Variants in TENT5D observed in about 807,000 individuals in gnomAD.
TENT5D encodes cancer/testis antigen 112.
For synonymous variants in TENT5D, 103 were observed against 100.6 expected (o/e 1.02, Z -0.15); for missense variants, 191 against 287.0 (o/e 0.67, Z 2.42).
At chrX:80,442,852 C>G in exon 3 of TENT5D, 1 of 1,210,685 alleles carries the variant, frequency 8.3e-7, no homozygotes, top group Non-Finnish European at 1.1e-6. Flanking sequence ...AGATGCAGTT[C>G]TAGACTGTCT....
At chrX:80,380,325 A>G (rs978790110) in intron 3 of TENT5D, among the ~76,000 whole-genome samples, 2 of 110,807 alleles carry the variant, frequency 1.8e-5, no homozygotes, top group African/African-American at 6.6e-5. Flanking sequence ...TGTGAGAGAC[A>G]GTTTGTTTTG....
In TENT5D at chrX:80,375,585, G is replaced by A. The variant is rs1183180147; in HGVS notation, c.-142+33021G>A. Among the ~76,000 whole-genome samples the A allele has an allele frequency of 2.7e-5, 3 of 111,040 alleles. No individual in the cohort carries two copies. The Admixed American group carries it at 2.9e-4, about 11-fold the overall frequency. The stretch of plus-strand genomic sequence containing the variant: ...GTATATTTTCAGTCAGTTTAATTCA[G>A]GTGACCTTTTCATCCATTTGCTTTT... On this transcript the variant is annotated intron_variant, in intron 3 of 4. Transcript: ENST00000538312.
intron 1 of TENT5D, among the ~76,000 whole-genome samples, chrX:80,437,469 T>A (rs1932203831): frequency 1.8e-5 from 2 of 111,899 alleles, no homozygotes; most frequent in South Asian, 7.3e-4. Flanking sequence ...ACACTTTATT[T>A]TATAGTTTTT....
chrX:80,344,549 AT>A lies in TENT5D; in HGVS notation c.-142+1987del, dbSNP rs759450770. On this transcript the variant is annotated intron_variant, in intron 3 of 4. Transcript: ENST00000538312. ...GGTTTTGATTTGCATTTCTCTGATGATTAATGAAGATGAGCATTTTTTTCTT... is the reference window on the plus strand; with the variant it reads ...GGTTTTGATTTGCATTTCTCTGATGATAATGAAGATGAGCATTTTTTTCTT... Among the ~76,000 whole-genome samples the A allele has an allele frequency of 6.4e-5, 7 of 110,073 alleles. No homozygotes were observed. The South Asian group carries it at 2.8e-3, about 44-fold the overall frequency.
chrX:80,423,684 C>T (rs186953150), intron 1 of TENT5D, among the ~76,000 whole-genome samples: 11 of 108,624 alleles, frequency 1.0e-4, no homozygotes, highest in Non-Finnish European at 1.7e-4. Context: ...GCCGAGCTTA[C>T]GGTTTAAAGC....
chrX:80,428,942 G>T (rs1932032936), intron 1 of TENT5D, among the ~76,000 whole-genome samples: 1 of 111,716 alleles, frequency 9.0e-6, no homozygotes, highest in Non-Finnish European at 1.9e-5. Flanking sequence ...AGGAAGGGAG[G>T]CCTGGACTGG....
chrX:80,352,240 T>G (rs1261810209), intron 3 of TENT5D, among the ~76,000 whole-genome samples: 1 of 111,924 alleles, frequency 8.9e-6, no homozygotes, highest in Non-Finnish European at 1.9e-5. Flanking sequence ...CAGGAATGTT[T>G]AAGTCTGCTG....
chrX:80,386,750 C>A (rs971892565), intron 3 of TENT5D, among the ~76,000 whole-genome samples: 1 of 110,471 alleles, frequency 9.1e-6, no homozygotes, highest in Non-Finnish European at 1.9e-5. Context: ...CTTAATGAAT[C>A]AATTTAGAGA....
intron 3 of TENT5D, among the ~76,000 whole-genome samples, chrX:80,364,589 A>G (rs1008885713): frequency 9.0e-6 from 1 of 110,719 alleles, no homozygotes; most frequent in Non-Finnish European, 1.9e-5. Flanking sequence ...GTTAAAAGTG[A>G]GTGAAAAGGC....
intron 3 of TENT5D, among the ~76,000 whole-genome samples, chrX:80,369,403 C>T (rs58152892): frequency 4.2e-3 from 466 of 111,713 alleles, no homozygotes; most frequent in African/African-American, 0.014. Flanking sequence ...ACATTCCATT[C>T]TGAATGTGTA....
chrX:80,400,681 G>A (rs1015032641), intron 3 of TENT5D, among the ~76,000 whole-genome samples: 4 of 111,724 alleles, frequency 3.6e-5, no homozygotes, highest in Non-Finnish European at 5.6e-5. Flanking sequence ...TGATTTTCTG[G>A]ATTTGATGTT....
chrX:80,389,135 A>G (rs1193597282), intron 3 of TENT5D, among the ~76,000 whole-genome samples: 2 of 111,851 alleles, frequency 1.8e-5, no homozygotes, highest in East Asian at 2.8e-4. Flanking sequence ...GGCATCAGCA[A>G]TTGAAGACTG....
At chrX:80,338,357 A>T (rs773517145) in intron 2 of TENT5D, among the ~76,000 whole-genome samples, 1 of 112,048 alleles carries the variant, frequency 8.9e-6, no homozygotes, top group Non-Finnish European at 1.9e-5. Flanking sequence ...GATATGGCGG[A>T]TACTTAGAAG....
chrX:80,350,468 C>T (rs1930154487), intron 3 of TENT5D, among the ~76,000 whole-genome samples: 1 of 110,224 alleles, frequency 9.1e-6, no homozygotes, highest in African/African-American at 3.3e-5. Flanking sequence ...CTAGTATTGC[C>T]ACCACTGCTT....
intron 3 of TENT5D, among the ~76,000 whole-genome samples, chrX:80,408,791 G>A (rs369574325): frequency 9.1e-6 from 1 of 110,454 alleles, no homozygotes; most frequent in Admixed American, 9.6e-5. Flanking sequence ...CAGAGACACA[G>A]CCAAAAAAGA....
rs776759074 is a variant in TENT5D at position 80,363,481 on chromosome X, G to A, written c.-142+20917G>A. ...TTTGTTCTAAACCCTACTACCAACA[G>A]TGACTTTAAAAGTGCATACTTTTAT... On this transcript the variant is annotated intron_variant, in intron 3 of 4. Transcript: ENST00000538312. Among the ~76,000 whole-genome samples the A allele has an allele frequency of 6.3e-5, 7 of 111,927 alleles. No homozygotes were observed. In the East Asian group the frequency reaches 1.4e-3, roughly 22 times the overall value.
At chrX:80,335,773 A>G (rs1040119530) in intron 2 of TENT5D, 1 of 111,615 alleles carries the variant, frequency 9.0e-6, no homozygotes, top group Admixed American at 9.6e-5. Context: ...ATAAGGGTCT[A>G]AGGGATAGCG....
At chrX:80,443,762 G>A (rs1032237498) in exon 3 of TENT5D, 28 of 998,570 alleles carry the variant, frequency 2.8e-5, no homozygotes, top group Non-Finnish European at 3.7e-5. Flanking sequence ...CCATTTAAAA[G>A]CAAGTTTCCA....
chrX:80,418,926 A>T (rs1931829967), upstream of TENT5D, among the ~76,000 whole-genome samples: 2 of 108,412 alleles, frequency 1.8e-5, no homozygotes, highest in African/African-American at 6.7e-5. Flanking sequence ...TCTACTTAAA[A>T]CCCCTCCTCC....
Sources: gnomAD v4.1 joint callset for allele counts (sites outside exome capture counted in the v4.1 genomes callset) on GRCh38, gnomAD v4.1.1 for gene constraint, MANE v1.5 for transcripts, NCBI Gene and HGNC (gene_info 2026-07-23, HGNC 2026-07-21) for gene names.